The following FAAH2 variants were observed in gnomAD, a reference collection of about 807,000 sequenced individuals.
The protein encoded by FAAH2 is fatty acid amide hydrolase 2, also known as fatty-acid amide hydrolase 2.
Under a neutral mutation model 36.9 loss-of-function variants are expected in FAAH2, and 60 were observed. That is an observed-to-expected ratio of 1.63 (90% CI 1.32 to 2.02). FAAH2 has a LOEUF of 2.02. FAAH2 is among the 30% of genes most tolerant of loss of function. The pLI, the probability that FAAH2 is intolerant of heterozygous loss-of-function variation, is 0.00. For missense variants in FAAH2, 689 were observed against 397.5 expected, an observed-to-expected ratio of 1.73 and a Z score of -6.23; for synonymous variants, 214 against 143.8, an observed-to-expected ratio of 1.49 and a Z score of -3.49.
intron 5 of FAAH2, among the ~76,000 whole-genome samples, chrX:57,363,662 T>G (rs1038003091): frequency 1.8e-5 from 2 of 111,461 alleles, no homozygotes; most frequent in Non-Finnish European, 3.8e-5. Flanking sequence ...GGGGAACACT[T>G]CCAGCTTTAG....
chrX:57,385,006 T>C (rs2054975461), intron 7 of FAAH2, among the ~76,000 whole-genome samples: 1 of 111,017 alleles, frequency 9.0e-6, no homozygotes, highest in Non-Finnish European at 1.9e-5. Flanking sequence ...TGGAAACCAT[T>C]ATTCTCAGCA....
chrX:57,333,630 T>A (rs781611906), intron 4 of FAAH2, among the ~76,000 whole-genome samples: 2 of 110,005 alleles, frequency 1.8e-5, no homozygotes, highest in Non-Finnish European at 3.8e-5. Context: ...ATGAAGAACA[T>A]CTTTGATGGG....
chrX:57,231,732 C>A, the FAAH2 span, among the ~76,000 whole-genome samples: 3 of 111,961 alleles, frequency 2.7e-5, no homozygotes, highest in Non-Finnish European at 5.6e-5. Context: ...CCCAAGCATT[C>A]TGGCTCAACA....
At chrX:57,386,759 T>C (rs1330186862) in intron 7 of FAAH2, among the ~76,000 whole-genome samples, 1 of 112,249 alleles carries the variant, frequency 8.9e-6, no homozygotes, top group Non-Finnish European at 1.9e-5. Flanking sequence ...AAATGGGTTT[T>C]TTCACTGTTG....
intron 8 of FAAH2, among the ~76,000 whole-genome samples, chrX:57,444,655 C>G (rs1288747328): frequency 9.0e-6 from 1 of 111,371 alleles, no homozygotes; most frequent in Non-Finnish European, 1.9e-5. Context: ...GCAAAAATCA[C>G]CCATCTTCTG....
intron 2 of FAAH2, among the ~76,000 whole-genome samples, chrX:57,309,210 A>G (rs2052624295): frequency 8.9e-6 from 1 of 111,879 alleles, no homozygotes; most frequent in Non-Finnish European, 1.9e-5. Context: ...ATATTGACTT[A>G]TTGTTTCATT....
At chrX:57,478,174 T>A (rs1207119746) in intron 10 of FAAH2, among the ~76,000 whole-genome samples, 1 of 111,926 alleles carries the variant, frequency 8.9e-6, no homozygotes, top group Non-Finnish European at 1.9e-5. Flanking sequence ...TTTTAATGAT[T>A]GCCATTCGAA....
At chrX:57,329,001 G>A (rs1210916867) in intron 3 of FAAH2, among the ~76,000 whole-genome samples, 2 of 111,618 alleles carry the variant, frequency 1.8e-5, no homozygotes, top group African/African-American at 6.5e-5. Context: ...TACTTCAATG[G>A]GTAAGTGCCA....
chrX:57,451,073 A>G (rs1385716940), intron 10 of FAAH2, among the ~76,000 whole-genome samples: 7 of 111,865 alleles, frequency 6.3e-5, no homozygotes, highest in African/African-American at 9.7e-5. Flanking sequence ...AGACACAAAA[A>G]TCTTTAGGAA....
intron 1 of FAAH2, among the ~76,000 whole-genome samples, chrX:57,288,419 C>T (rs1602161051): frequency 2.2e-5 from 2 of 90,997 alleles, no homozygotes; most frequent in Non-Finnish European, 2.1e-5. Flanking sequence ...GTGCGATCTT[C>T]GCTCACTGCA....
chrX:57,261,627 C>A, the FAAH2 span, among the ~76,000 whole-genome samples: 2 of 82,372 alleles, frequency 2.4e-5, no homozygotes, highest in South Asian at 5.3e-4. Context: ...AAAATCAAAA[C>A]GAATATAAAG....
At chrX:57,156,486 G>T in the FAAH2 span, among the ~76,000 whole-genome samples, 1 of 111,503 alleles carries the variant, frequency 9.0e-6, no homozygotes, top group African/African-American at 3.3e-5. Context: ...ATTTATTTCA[G>T]TCTTTGCAGT....
At chrX:57,368,350 G>A (rs2054471018) in intron 5 of FAAH2, among the ~76,000 whole-genome samples, 1 of 109,991 alleles carries the variant, frequency 9.1e-6, no homozygotes, top group Non-Finnish European at 1.9e-5. Context: ...GCCTATGTGG[G>A]AGCAGTGCAC....
At chrX:57,352,919 A>G (rs368913722) in intron 5 of FAAH2, among the ~76,000 whole-genome samples, 48 of 110,705 alleles carry the variant, frequency 4.3e-4, no homozygotes, top group African/African-American at 1.5e-3. Flanking sequence ...ATTACTACAA[A>G]GAAAACTACA....
the FAAH2 span, among the ~76,000 whole-genome samples, chrX:57,144,625 G>A: frequency 1.8e-5 from 2 of 109,666 alleles, no homozygotes; most frequent in Non-Finnish European, 1.9e-5. Context: ...TATCACCCGA[G>A]CAGTTTACAC....
chrX:57,291,155 G>C (rs1222693009), intron 1 of FAAH2, among the ~76,000 whole-genome samples: 1 of 111,363 alleles, frequency 9.0e-6, no homozygotes, highest in Non-Finnish European at 1.9e-5. Context: ...TTAAATTCTT[G>C]GATATATCCT....
chrX:57,155,790 G>A, the FAAH2 span, among the ~76,000 whole-genome samples: 1 of 111,947 alleles, frequency 8.9e-6, no homozygotes, highest in Admixed American at 9.4e-5. Context: ...CCTCCTCAAG[G>A]AACACTGTGA....
intron 7 of FAAH2, among the ~76,000 whole-genome samples, chrX:57,382,688 C>A: frequency 9.0e-6 from 1 of 111,484 alleles, no homozygotes. Flanking sequence ...TAATTAATAG[C>A]CTAGCAACCA....
intron 7 of FAAH2, among the ~76,000 whole-genome samples, chrX:57,397,162 C>T (rs967587225): frequency 9.0e-6 from 1 of 111,339 alleles, no homozygotes; most frequent in Non-Finnish European, 1.9e-5. Flanking sequence ...TTGTCTGTAA[C>T]CATTAGGTGG....
Sources: allele counts gnomAD v4.1 joint callset (sites outside exome capture counted in the v4.1 genomes callset), GRCh38; gene constraint gnomAD v4.1.1; transcripts MANE v1.5; gene names NCBI Gene and HGNC (gene_info 2026-07-23, HGNC 2026-07-21).